GPHN: variants seen among roughly 807,000 people sequenced by gnomAD.
GPHN encodes gephyrin.
A neutral mutation model predicts 95.5 loss-of-function variants in GPHN; 17 were observed. The observed-to-expected ratio is 0.18, with a 90% CI of 0.12 to 0.27. GPHN has a LOEUF of 0.27. GPHN is among the 10% of genes least tolerant of loss of function. The pLI is 1.00. For missense variants in GPHN, 660 were observed against 978.1 expected, an observed-to-expected ratio of 0.67 and a Z score of 4.34; for synonymous variants, 320 against 322.5, an observed-to-expected ratio of 0.99 and a Z score of 0.08.
the GPHN span, among the ~76,000 whole-genome samples, chr14:67,441,506 G>A: frequency 1.3e-5 from 2 of 152,160 alleles, no homozygotes; most frequent in African/African-American, 2.4e-5. Context: ...AACTCAGGCC[G>A]ACTTCTCCAA....
the GPHN span, among the ~76,000 whole-genome samples, chr14:67,397,089 C>A: frequency 6.6e-6 from 1 of 152,118 alleles, no homozygotes; most frequent in Non-Finnish European, 1.5e-5. Flanking sequence ...CAGGCCACTG[C>A]GACCACGCTC....
At chr14:67,390,817 T>C in the GPHN span, 1 of 1,084,516 alleles carries the variant, frequency 9.2e-7, no homozygotes, top group Non-Finnish European at 1.4e-6. Context: ...TCTATGCATG[T>C]AATGCCAAAC....
the GPHN span, among the ~76,000 whole-genome samples, chr14:67,324,702 G>A: frequency 6.6e-6 from 1 of 151,764 alleles, no homozygotes; most frequent in Non-Finnish European, 1.5e-5. Context: ...TCTCACCCCA[G>A]CCTGTCCAAG....
chr14:67,627,256 G>GATATATATATATATATATATAT, the GPHN span, among the ~76,000 whole-genome samples: 220 of 133,646 alleles, frequency 1.6e-3, 3 homozygotes, highest in African/African-American at 5.7e-3. Context: ...TCAGTAAGGA[G>GATATATATATATATATATATAT]ATATATATAT....
chr14:66,847,700 G>A (rs1354396264), intron 4 of GPHN, among the ~76,000 whole-genome samples: 1 of 152,166 alleles, frequency 6.6e-6, no homozygotes, highest in East Asian at 1.9e-4. Flanking sequence ...CAAAGGATAT[G>A]GCTGAAGATG....
the GPHN span, among the ~76,000 whole-genome samples, chr14:67,416,929 A>C: frequency 6.6e-6 from 1 of 152,260 alleles, no homozygotes; most frequent in Non-Finnish European, 1.5e-5. Flanking sequence ...GTGCATGACC[A>C]GAAAACAGCC....
At chr14:66,639,853 A>T (rs932934422) in intron 1 of GPHN, among the ~76,000 whole-genome samples, 1 of 152,294 alleles carries the variant, frequency 6.6e-6, no homozygotes, top group South Asian at 2.1e-4. Context: ...ATACATATGA[A>T]ATTTTGTCTG....
At chr14:67,433,870 A>G in the GPHN span, among the ~76,000 whole-genome samples, 2 of 152,338 alleles carry the variant, frequency 1.3e-5, no homozygotes, top group East Asian at 3.9e-4. Flanking sequence ...AAAGCCAGAG[A>G]AAATGGGAAA....
At chr14:67,689,169 G>C in the GPHN span, among the ~76,000 whole-genome samples, 1 of 152,314 alleles carries the variant, frequency 6.6e-6, no homozygotes, top group East Asian at 1.9e-4. Flanking sequence ...ACTGATAAAA[G>C]ATGTCATGCC....
At chr14:67,586,177 G>A in the GPHN span, 3 of 1,490,302 alleles carry the variant, frequency 2.0e-6, no homozygotes, top group Non-Finnish European at 2.8e-6. Context: ...CTGGGGTTAT[G>A]CTAGTGCTCT....
At chr14:67,569,846 C>T in the GPHN span, 1 of 911,010 alleles carries the variant, frequency 1.1e-6, no homozygotes, top group Non-Finnish European at 1.8e-6. Context: ...TGCCATCTGC[C>T]CAGTTCTCTG....
intron 2 of GPHN, among the ~76,000 whole-genome samples, chr14:66,727,685 G>C (rs748407966): frequency 3.3e-5 from 5 of 152,154 alleles, no homozygotes; most frequent in African/African-American, 7.2e-5. Flanking sequence ...TGGCACAATT[G>C]ATTTCTAAAC....
At position 66,508,165 on chromosome 14, in the gene GPHN, C is replaced by G; in HGVS notation, c.-363C>G. 2.1e-6 allele frequency: 1 copy of G among 468,460 alleles called. No individual in the cohort carries two copies. The allele number at this position is 468,460 out of a possible 1,614,324, so 29.0% of individuals were successfully genotyped here. A position where few individuals can be genotyped will look rare whatever the true frequency, so the allele number is the denominator to read the frequency against. On this transcript the variant is annotated 5_prime_UTR_variant, in exon 1 of 23. Transcript: ENST00000478722. Reference sequence around the variant, plus strand: ...GTGCTATCCTTTCCTCTCAGTCCTGCCATCTAGCTGCCTTGGGTCTCGCGC... The same window carrying G: ...GTGCTATCCTTTCCTCTCAGTCCTGGCATCTAGCTGCCTTGGGTCTCGCGC...
the GPHN span, chr14:67,651,117 C>G: frequency 6.6e-6 from 6 of 913,646 alleles, no homozygotes; most frequent in Non-Finnish European, 1.6e-6. Context: ...TTGCAGTTCA[C>G]AGGGTATTAA....
At chr14:67,091,850 A>G (rs1168110529) in intron 12 of GPHN, among the ~76,000 whole-genome samples, 1 of 147,852 alleles carries the variant, frequency 6.8e-6, no homozygotes, top group Non-Finnish European at 1.5e-5. Flanking sequence ...TTTTTTTGTT[A>G]TTTCACCAAA....
the GPHN span, among the ~76,000 whole-genome samples, chr14:67,459,341 T>C: frequency 4.6e-5 from 7 of 152,210 alleles, no homozygotes; most frequent in Non-Finnish European, 1.5e-5. Context: ...GCCTATATTA[T>C]TGGTTTTTAA....
chr14:67,343,317 G>T, the GPHN span: 4 of 1,367,238 alleles, frequency 2.9e-6, no homozygotes, highest in Admixed American at 1.9e-5. Flanking sequence ...GCAGTTTCAC[G>T]ACAAGTGGAG....
At chr14:66,585,980 A>T (rs1454493715) in intron 1 of GPHN, among the ~76,000 whole-genome samples, 1 of 152,084 alleles carries the variant, frequency 6.6e-6, no homozygotes, top group Non-Finnish European at 1.5e-5. Context: ...TCTAATGTTG[A>T]CAGTGGGGTG....
At chr14:66,572,426 G>A (rs7145444) in intron 1 of GPHN, among the ~76,000 whole-genome samples, 47,176 of 151,748 alleles carry the variant, frequency 0.31, 11,125 homozygotes, top group African/African-American at 0.63. Context: ...TTTTGTGTGC[G>A]TGTTTCGTAC....
Sources: gnomAD v4.1 joint callset for allele counts (sites outside exome capture counted in the v4.1 genomes callset) on GRCh38, gnomAD v4.1.1 for gene constraint, MANE v1.5 for transcripts, NCBI Gene and HGNC (gene_info 2026-07-23, HGNC 2026-07-21) for gene names.